The following IPO5 variants were observed in gnomAD, a reference collection of about 807,000 sequenced individuals.
IPO5 encodes the protein importin-5.
A neutral mutation model predicts 143.3 loss-of-function variants in IPO5; 18 were observed. The observed-to-expected ratio is 0.13, with a 90% CI of 0.09 to 0.19. The LOEUF is 0.19. Ranked by LOEUF, IPO5 falls within the 10% of genes least tolerant of loss-of-function variation. The probability of loss-of-function intolerance (pLI) is 1.00; values close to 1 mark genes in which losing one functional copy is unlikely to be tolerated. For missense variants in IPO5, 1,013 were observed against 1,336.9 expected, an observed-to-expected ratio of 0.76 and a Z score of 3.78; for synonymous variants, 477 against 465.7, an observed-to-expected ratio of 1.02 and a Z score of -0.31.
chr13:97,973,950 C>A (rs1039885711), intron 3 of IPO5, among the ~76,000 whole-genome samples: 1 of 152,092 alleles, frequency 6.6e-6, no homozygotes, highest in Non-Finnish European at 1.5e-5. Flanking sequence ...TGCCTGCAGA[C>A]CAGCTAGTTG....
At position 98,023,778 on chromosome 13, in the gene IPO5, AAG is replaced by A. The variant is rs916560852; in HGVS notation, c.*1959_*1960del. 2.1e-4 allele frequency: 32 copies of A among 152,302 alleles called. No homozygotes were observed. The highest frequency in any genetic ancestry group is 3.4e-3 in the Middle Eastern group (1 of 294). The allele number at this position is 152,302 out of a possible 1,614,324, so 9.4% of individuals were successfully genotyped here. Reference sequence around the variant, plus strand: ...CCTCCTTGATAAAAGCAGAAAAGCAAAGAGGTAATTGGAGTTGAATCAAGTTA... The same window carrying A: ...CCTCCTTGATAAAAGCAGAAAAGCAAAGGTAATTGGAGTTGAATCAAGTTA... On this transcript the variant is annotated 3_prime_UTR_variant, in exon 29 of 29. Coordinates refer to ENST00000651721, the MANE Select transcript of IPO5 (RefSeq NM_002271.6).
chr13:97,966,856 T>C (rs1885387220), intron 2 of IPO5, among the ~76,000 whole-genome samples: 1 of 152,006 alleles, frequency 6.6e-6, no homozygotes, highest in Non-Finnish European at 1.5e-5. Flanking sequence ...CTGACTACAG[T>C]GAAACCACAT....
chr13:97,971,133 C>A (rs751663134), intron 3 of IPO5, among the ~76,000 whole-genome samples: 8 of 152,188 alleles, frequency 5.3e-5, no homozygotes, highest in Non-Finnish European at 1.0e-4. Flanking sequence ...CTGCTCCCAG[C>A]CTCCCTAAAA....
Position 98,006,339 on chromosome 13 carries a change from G to A in IPO5, c.1707G>A (p.Gly569=). 1 of 1,180,326 alleles carries A rather than the reference G, an allele frequency of 8.5e-7. No individual in the cohort carries two copies. The highest frequency in any genetic ancestry group is 1.2e-6 in the Non-Finnish European group (1 of 841,762). 73.1% of individuals were successfully genotyped at this position (1,180,326 alleles called of 1,614,324 possible). ...TTAGCCTCATTGGTCTGGCTGTTGGGAAGGAAAAAGTAAGTAATTTTTTTT... is the reference window on the plus strand; with the variant it reads ...TTAGCCTCATTGGTCTGGCTGTTGGAAAGGAAAAAGTAAGTAATTTTTTTT... ...ECISLIGLAV[G]KEKFMQDASD... Residue 569 remains glycine (G), a synonymous_variant, in exon 17 of 29, where the codon GGG becomes GGA. Coordinates refer to ENST00000651721, the MANE Select transcript of IPO5 (RefSeq NM_002271.6).
At chr13:97,969,269 C>A (rs1885627426) in intron 2 of IPO5, among the ~76,000 whole-genome samples, 1 of 148,060 alleles carries the variant, frequency 6.8e-6, no homozygotes, top group Non-Finnish European at 1.5e-5. Context: ...GCAAGCTCTG[C>A]CTCCCAGGTT....
At chr13:97,993,042 T>A (rs1013364843) in intron 10 of IPO5, 28 bp downstream of exon 10, 5 of 1,611,442 alleles carry the variant, frequency 3.1e-6, no homozygotes, top group Middle Eastern at 1.7e-4. Flanking sequence ...GTAAACGTTC[T>A]GTTTGTTATT....
In IPO5 at chr13:98,021,831, A is replaced by G; in HGVS notation, c.*9A>G. ...TCCTGAACTCTGCGTGAAGGGCCTT[A>G]ATGTCACCCACCAGAAAACTAACTC... On this transcript the variant is annotated 3_prime_UTR_variant, in exon 29 of 29. Transcript: ENST00000651721. 6.3e-7 allele frequency: 1 copy of G among 1,583,396 alleles called. No homozygotes were observed. The highest frequency in any genetic ancestry group is 8.6e-7 in the Non-Finnish European group (1 of 1,156,156).
At chr13:97,981,902 C>G (rs79515896) in intron 4 of IPO5, among the ~76,000 whole-genome samples, 1 of 152,152 alleles carries the variant, frequency 6.6e-6, no homozygotes, top group Non-Finnish European at 1.5e-5. Flanking sequence ...AAACCTCTTG[C>G]TAATAGATCT....
intron 3 of IPO5, among the ~76,000 whole-genome samples, chr13:97,974,064 AAATAAT>A (rs1013564836): frequency 6.6e-6 from 1 of 152,128 alleles, no homozygotes; most frequent in African/African-American, 2.4e-5. Context: ...CTCTGTCTCA[AAATAAT>A]AATAATAACA....
chr13:98,002,603 T>C lies in IPO5; in HGVS notation c.1233+12T>C. The stretch of plus-strand genomic sequence containing the variant: ...TTCTCCAGGATCCTGTAAGTACCAG[T>C]AAATATTTGATTCAAAATGATTAGT... On this transcript the variant is annotated intron_variant, in intron 14 of 28. Coordinates refer to ENST00000651721, the MANE Select transcript of IPO5 (RefSeq NM_002271.6). 1 of 1,611,898 alleles carries C rather than the reference T, an allele frequency of 6.2e-7. No homozygotes were observed.
At chr13:97,981,960 A>G (rs907465937) in intron 4 of IPO5, 1 of 152,782 alleles carries the variant, frequency 6.5e-6, no homozygotes. Context: ...GACCACATTC[A>G]TTTATCTATG....
intron 2 of IPO5, among the ~76,000 whole-genome samples, chr13:97,964,443 C>CTTTTTTTTT (rs369952371): frequency 1.9e-4 from 21 of 108,200 alleles, no homozygotes; most frequent in East Asian, 2.7e-4. Flanking sequence ...CCATTTCTTT[C>CTTTTTTTTT]TTTTTTTTTT....
intron 7 of IPO5, 151 bp from the exon 8 acceptor site, chr13:97,989,975 G>A (rs1887681354): frequency 1.7e-6 from 1 of 591,924 alleles, no homozygotes. Flanking sequence ...CCAAAAACAG[G>A]ATTGCTTAGA....
At chr13:98,010,548 T>C (rs1048653022) in intron 20 of IPO5, among the ~76,000 whole-genome samples, 1 of 152,068 alleles carries the variant, frequency 6.6e-6, no homozygotes, top group Admixed American at 6.5e-5. Flanking sequence ...TCTTAGTCTA[T>C]AGTAGGTGGC....
intron 2 of IPO5, among the ~76,000 whole-genome samples, chr13:97,969,331 A>G (rs563962257): frequency 4.6e-5 from 7 of 151,164 alleles, no homozygotes; most frequent in African/African-American, 1.7e-4. Flanking sequence ...ACAGGTGCCC[A>G]CCACCACGCC....
At chr13:98,011,158 T>C (rs984210845) in intron 20 of IPO5, among the ~76,000 whole-genome samples, 2 of 152,170 alleles carry the variant, frequency 1.3e-5, no homozygotes, top group African/African-American at 4.8e-5. Context: ...ATAAACACTT[T>C]GGATTTTTGT....
intron 25 of IPO5, among the ~76,000 whole-genome samples, chr13:98,017,498 C>G (rs964736370): frequency 2.6e-5 from 4 of 152,108 alleles, no homozygotes; most frequent in Non-Finnish European, 5.9e-5. Context: ...TGGGGTTTCA[C>G]CATGTTGACC....
At position 97,976,988 on chromosome 13, in the gene IPO5, C is replaced by T. The variant is rs557366599; in HGVS notation, c.90+202C>T. ...TTTTCCGGCCATTGCTGCCGCGGCG[C>T]CTGGCACCAGTTACCTCCCCGCCGC... On this transcript the variant is annotated intron_variant, in intron 4 of 28. Transcript: ENST00000651721. 1.1e-4 allele frequency: 22 copies of T among 196,914 alleles called. No homozygotes were observed. In the South Asian group the frequency reaches 1.5e-3, roughly 13 times the overall value. The allele number at this position is 196,914 out of a possible 1,614,324, so 12.2% of individuals were successfully genotyped here. A position where few individuals can be genotyped will look rare whatever the true frequency, so the allele number is the denominator to read the frequency against.
intron 27 of IPO5, 28 bp downstream of exon 27, chr13:98,019,837 C>T (rs754443592): frequency 7.5e-6 from 11 of 1,458,728 alleles, no homozygotes; most frequent in African/African-American, 4.2e-5. Flanking sequence ...GACCTTATTT[C>T]CTTCTCCTCC....
Sources: allele counts gnomAD v4.1 joint callset (sites outside exome capture counted in the v4.1 genomes callset), GRCh38; gene constraint gnomAD v4.1.1; transcripts MANE v1.5; gene names NCBI Gene and HGNC (gene_info 2026-07-23, HGNC 2026-07-21).